Variants in AQP9 observed in about 807,000 individuals in gnomAD.
AQP9 encodes aquaporin-9.
AQP9 carries 19 observed loss-of-function variants against 23.8 expected under a neutral mutation model. The ratio of observed to expected loss-of-function variants is 0.80; its 90% CI spans 0.56 to 1.17. The LOEUF (loss-of-function observed/expected upper bound fraction) is 1.17, where lower values mean the gene tolerates loss of function less well. Among genes scored for constraint, AQP9 ranks in the 50% most tolerant of loss-of-function variants. The pLI, the probability that AQP9 is intolerant of heterozygous loss-of-function variation, is 0.00. For missense variants in AQP9, 413 were observed against 362.0 expected (o/e 1.14, Z -1.14); for synonymous variants, 153 against 131.5 (o/e 1.16, Z -1.12).
chr15:58,157,234 C>A (rs184329890), intron 1 of AQP9, among the ~76,000 whole-genome samples: 183 of 152,272 alleles, frequency 1.2e-3, no homozygotes, highest in African/African-American at 4.3e-3. Context: ...CAAGGTAAAG[C>A]AGTCACACAG....
At chr15:58,174,643 AAG>A (rs1449171847) in intron 3 of AQP9, among the ~76,000 whole-genome samples, 1 of 152,198 alleles carries the variant, frequency 6.6e-6, no homozygotes, top group African/African-American at 2.4e-5. Flanking sequence ...ATTCCCCCAA[AAG>A]AGAACTCATT....
At chr15:58,161,729 A>C (rs1898387026) in intron 1 of AQP9, among the ~76,000 whole-genome samples, 1 of 152,206 alleles carries the variant, frequency 6.6e-6, no homozygotes, top group African/African-American at 2.4e-5. Context: ...TAAAAACAAT[A>C]ATATCCTACC....
intron 1 of AQP9, 23 bp downstream of exon 1, chr15:58,138,699 C>A: frequency 6.2e-7 from 1 of 1,602,526 alleles, no homozygotes; most frequent in Non-Finnish European, 8.5e-7. Flanking sequence ...TGATTTCCTA[C>A]ATTCAGACCC....
chr15:58,163,239 T>C (rs1432979703), intron 1 of AQP9, among the ~76,000 whole-genome samples: 1 of 152,154 alleles, frequency 6.6e-6, no homozygotes, highest in Non-Finnish European at 1.5e-5. Flanking sequence ...CCATCTCCTA[T>C]ATGGTTTTGT....
chr15:58,142,609 C>G (rs866488839), intron 1 of AQP9, among the ~76,000 whole-genome samples: 2 of 152,156 alleles, frequency 1.3e-5, no homozygotes, highest in Admixed American at 6.5e-5. Context: ...ATTGACCAAG[C>G]ATTGCACTGT....
intron 2 of AQP9, 140 bp from the exon 3 acceptor site, chr15:58,172,928 C>T (rs776063972): frequency 1.1e-5 from 11 of 993,984 alleles, no homozygotes; most frequent in Non-Finnish European, 1.4e-5. Context: ...CTCTCTTTCA[C>T]GTGCATACAC....
chr15:58,153,827 C>T (rs1335313814), intron 1 of AQP9: 1 of 152,120 alleles, frequency 6.6e-6, no homozygotes, highest in African/African-American at 2.4e-5. Context: ...TTACTCTTAT[C>T]GCAACCTCCC....
At chr15:58,151,660 CAT>C (rs1275135600) in intron 1 of AQP9, 1 of 151,788 alleles carries the variant, frequency 6.6e-6, no homozygotes, top group Non-Finnish European at 1.5e-5. Context: ...GTTCACTAAA[CAT>C]AATAATAATA....
At chr15:58,138,350 A>G, upstream of AQP9, 1 of 443,586 alleles carries the variant, frequency 2.3e-6, no homozygotes, top group Non-Finnish European at 4.1e-6. Flanking sequence ...CGCAGATTCA[A>G]ACAAATAGCA....
At chr15:58,179,830 A>G (rs1375846868) in intron 5 of AQP9, among the ~76,000 whole-genome samples, 4 of 152,188 alleles carry the variant, frequency 2.6e-5, no homozygotes, top group Non-Finnish European at 4.4e-5. Context: ...GAAATTTCAA[A>G]TCAGCAAAAG....
chr15:58,155,136 C>T (rs1414919557), intron 1 of AQP9: 1 of 152,238 alleles, frequency 6.6e-6, no homozygotes, highest in Non-Finnish European at 1.5e-5. Flanking sequence ...CATCAGATCC[C>T]TTAACTGCCT....
rs565056198 is a variant in AQP9 at position 58,176,343 on chromosome 15, C to A, written c.495+1307C>A. Among the ~76,000 whole-genome samples the A allele has an allele frequency of 1.4e-3, 218 of 152,088 alleles. 1 individual carries two copies. The highest frequency in any genetic ancestry group is 4.8e-3 in the African/African-American group (201 of 41,502). ...TACCAGCCTGGGCAACATGGCAAAA[C>A]CCTGCCTCTACCAAAAATACAAAAA... On this transcript the variant is annotated intron_variant, in intron 4 of 5. Transcript: ENST00000219919.
intron 2 of AQP9, among the ~76,000 whole-genome samples, chr15:58,168,007 A>G (rs1480749093): frequency 6.6e-6 from 1 of 151,084 alleles, no homozygotes; most frequent in African/African-American, 2.4e-5. Context: ...TTACAAGTGT[A>G]AGCCACCGCA....
intron 1 of AQP9, among the ~76,000 whole-genome samples, chr15:58,147,471 C>T (rs1898068202): frequency 6.6e-6 from 1 of 152,154 alleles, no homozygotes; most frequent in Non-Finnish European, 1.5e-5. Flanking sequence ...GGCAGGATTG[C>T]TGAGTTCACT....
In AQP9 at chr15:58,184,074, T is replaced by A; in HGVS notation, c.827T>A (p.Val276Asp). 2.5e-6 allele frequency: 4 copies of A among 1,614,114 alleles called. No homozygotes were observed. The highest frequency in any genetic ancestry group is 3.4e-6 in the Non-Finnish European group (4 of 1,179,998). The change falls in exon 6 of 6, where the codon GTC becomes GAC. Residue 276 changes from valine (V) to aspartate (D), a missense_variant. Val to Asp is a radical substitution (Grantham distance 152, BLOSUM62 -3). Coordinates refer to ENST00000219919, the MANE Select transcript of AQP9 (RefSeq NM_020980.5). Reference sequence around the variant, plus strand: ...ATCCACCATCCAGAGCCTGACTCAGTCTTTAAGACAGAACAATCTGAGGAC... The same window carrying A: ...ATCCACCATCCAGAGCCTGACTCAGACTTTAAGACAGAACAATCTGAGGAC... ...IEIHHPEPDS[V>D]FKTEQSEDKP...
intron 1 of AQP9, among the ~76,000 whole-genome samples, chr15:58,148,460 C>T (rs1898089177): frequency 6.6e-6 from 1 of 152,146 alleles, no homozygotes; most frequent in Non-Finnish European, 1.5e-5. Flanking sequence ...CCTGGAAACA[C>T]ATCAGTCCTC....
rs1267511893 is a variant in AQP9, at chr15:58,185,267, A to G, written c.*1132A>G. 1 of 152,676 alleles carries G rather than the reference A, an allele frequency of 6.5e-6. No individual in the cohort carries two copies. The highest frequency in any genetic ancestry group is 1.9e-4 in the East Asian group (1 of 5,204). The allele number at this position is 152,676 out of a possible 1,614,324, so 9.5% of individuals were successfully genotyped here. ...GCACACTGAAAGTTGAATGTTATCTAATGCATTCCTCTACCTTTCAGAAGA... is the reference window on the plus strand; with the variant it reads ...GCACACTGAAAGTTGAATGTTATCTGATGCATTCCTCTACCTTTCAGAAGA... On this transcript the variant is annotated 3_prime_UTR_variant, in exon 6 of 6. Transcript: ENST00000219919.
In AQP9 at chr15:58,179,231, T is replaced by C. The variant is rs1898827162; in HGVS notation, c.599T>C (p.Ile200Thr). 6.2e-7 allele frequency: 1 copy of C among 1,614,004 alleles called. No homozygotes were observed. Among genetic ancestry groups the C allele is most frequent in the Non-Finnish European group, 8.5e-7 (1 of 1,179,988 alleles). ...GLEPIAIGLL[I>T]IVIASSLGLN... ...GAGCCCATTGCCATCGGCCTCCTGA[T>C]TATTGTCATTGCTTCCTCCCTGGGA... Residue 200 changes from isoleucine to threonine, a missense_variant, in exon 5 of 6, where the codon ATT becomes ACT. Coordinates refer to ENST00000219919, the MANE Select transcript of AQP9 (RefSeq NM_020980.5).
intron 2 of AQP9, 126 bp from the exon 3 acceptor site, chr15:58,172,942 C>T (rs1346109189): frequency 1.7e-6 from 2 of 1,191,502 alleles, no homozygotes; most frequent in East Asian, 4.7e-5. Context: ...CATACACACC[C>T]CTCTTTCTCC....
Sources: allele counts gnomAD v4.1 joint callset (sites outside exome capture counted in the v4.1 genomes callset), GRCh38; gene constraint gnomAD v4.1.1; transcripts MANE v1.5; gene names NCBI Gene and HGNC (gene_info 2026-07-23, HGNC 2026-07-21).